NLGN4X: variants seen among roughly 807,000 people sequenced by gnomAD.
NLGN4X encodes neuroligin-4, X-linked.
In NLGN4X, 3 loss-of-function variants were observed where a neutral mutation model predicts 40.3. That is an observed-to-expected ratio of 0.07 (90% CI 0.03 to 0.19). The LOEUF (loss-of-function observed/expected upper bound fraction) is 0.19. Ranked by LOEUF, NLGN4X falls within the 10% of genes least tolerant of loss-of-function variation. The probability of loss-of-function intolerance (pLI) is 1.00; values close to 1 mark genes in which losing one functional copy is unlikely to be tolerated. For synonymous variants in NLGN4X, 270 were observed against 306.8 expected (o/e 0.88, Z 1.25); for missense variants, 382 against 708.3 (o/e 0.54, Z 5.23).
In NLGN4X at chrX:5,903,499, G is replaced by A. The variant is rs1173460985; in HGVS notation, c.1179C>T (p.Asn393=). The change falls in exon 5 of 6, where the codon AAC becomes AAT. Residue 393 remains asparagine (N), a synonymous_variant. Coordinates refer to ENST00000381095, the MANE Select transcript of NLGN4X (RefSeq NM_181332.3). ...IVDNEDGVTP[N]DFDFSVSNFV... ...AGTTGGACACGGAGAAGTCAAAGTC[G>A]TTGGGCGTCACACCGTCCTCGTTAT... is the stretch of plus-strand genomic sequence containing the variant. 4 of 1,207,860 alleles carry A rather than the reference G, an allele frequency of 3.3e-6. No individual in the cohort carries two copies. Among genetic ancestry groups the A allele is most frequent in the Admixed American group, 2.2e-5 (1 of 45,682 alleles).
intron 1 of NLGN4X, among the ~76,000 whole-genome samples, chrX:6,226,077 C>T (rs1926273337): frequency 9.9e-6 from 1 of 101,278 alleles, no homozygotes; most frequent in African/African-American, 3.6e-5. Context: ...TGTCCTCACT[C>T]CCCGCAGACT....
chrX:6,228,862 T>C lies in NLGN4X; in HGVS notation c.-627A>G, dbSNP rs1381494970. The C allele has an allele frequency of 8.9e-6, 1 of 111,841 alleles. No individual in the cohort carries two copies. The highest frequency in any genetic ancestry group is 3.3e-5 in the African/African-American group (1 of 30,721). The allele number at this position is 111,841 out of a possible 1,213,427, so 9.2% of individuals were successfully genotyped here. A position where few individuals can be genotyped will look rare whatever the true frequency, so the allele number is the denominator to read the frequency against. ...AGAGACAGAGAAGGGAGAGAGACGG[T>C]TCTGCAAGAAAAAGAGAGATTGAGG... On this transcript the variant is annotated 5_prime_UTR_variant, in exon 1 of 6. Transcript: ENST00000381095.
At chrX:5,976,487 T>C (rs1216767421) in intron 3 of NLGN4X, among the ~76,000 whole-genome samples, 1 of 112,220 alleles carries the variant, frequency 8.9e-6, no homozygotes, top group Non-Finnish European at 1.9e-5. Context: ...CAAATATCCC[T>C]CTCTCCCGCT....
intron 3 of NLGN4X, among the ~76,000 whole-genome samples, chrX:6,021,010 C>T (rs6639579): frequency 0.41 from 14,304 of 34,903 alleles, 1,853 homozygotes; most frequent in Middle Eastern, 0.58. Context: ...TTTTCTCTCT[C>T]TCTCTCTCTC....
intron 2 of NLGN4X, chrX:6,032,706 G>A (rs781607380): frequency 3.4e-5 from 40 of 1,189,586 alleles, no homozygotes; most frequent in Non-Finnish European, 4.3e-5. Context: ...TCTTCACCAC[G>A]GTCATTACTC....
Position 6,224,817 on chromosome X carries a change from AGGC to A in NLGN4X, c.-306+3721_-306+3723del, listed in dbSNP as rs1926008233. Reference sequence around the variant, plus strand: ...CATCTTTAAAACTGCATCCACGCACAGGCATTATTATGAAAATGCAATTATTAT... The same window carrying A: ...CATCTTTAAAACTGCATCCACGCACAATTATTATGAAAATGCAATTATTAT... On this transcript the variant is annotated intron_variant, in intron 1 of 5. Coordinates refer to ENST00000381095, the MANE Select transcript of NLGN4X (RefSeq NM_181332.3). Among the ~76,000 whole-genome samples the A allele has an allele frequency of 4.9e-5, 5 of 101,030 alleles. No homozygotes were observed. The South Asian group carries it at 2.4e-3, about 48-fold the overall frequency. The allele number at this position is 101,030 out of a possible 115,157, so 87.7% of individuals were successfully genotyped here.
At chrX:5,980,803 ATACTAAGTC>A (rs2035364679) in intron 3 of NLGN4X, among the ~76,000 whole-genome samples, 1 of 111,251 alleles carries the variant, frequency 9.0e-6, no homozygotes, top group Non-Finnish European at 1.9e-5. Context: ...ATATAGCTCT[ATACTAAGTC>A]TTGAGCTCAG....
intron 2 of NLGN4X, among the ~76,000 whole-genome samples, chrX:6,105,640 C>T (rs1418816504): frequency 1.8e-5 from 2 of 111,485 alleles, no homozygotes; most frequent in African/African-American, 6.5e-5. Context: ...CCCTTGGAAA[C>T]CCATCCCAAT....
At chrX:6,017,554 T>C (rs2036424594) in intron 3 of NLGN4X, among the ~76,000 whole-genome samples, 1 of 112,039 alleles carries the variant, frequency 8.9e-6, no homozygotes, top group African/African-American at 3.2e-5. Flanking sequence ...GTGTTTATTC[T>C]ACCCACCTGT....
chrX:5,983,294 A>T (rs2035443381), intron 3 of NLGN4X, among the ~76,000 whole-genome samples: 1 of 111,887 alleles, frequency 8.9e-6, no homozygotes, highest in South Asian at 3.7e-4. Context: ...ACAATGGCCA[A>T]TTCACAATGA....
At position 6,062,890 on chromosome X, in the gene NLGN4X, A is replaced by G. The variant is rs6638596; in HGVS notation, c.473-33458T>C. Among the ~76,000 whole-genome samples, 300 of 111,095 alleles carry G rather than the reference A, an allele frequency of 2.7e-3. 16 individuals are homozygous for G. In the East Asian group the frequency reaches 0.074, roughly 27 times the overall value. Reference sequence around the variant, plus strand: ...CTTTATAAATTCCCAAGTCTTGAGCATATCTTTATTGGCAGCTTGAGAACA... The same window carrying G: ...CTTTATAAATTCCCAAGTCTTGAGCGTATCTTTATTGGCAGCTTGAGAACA... On this transcript the variant is annotated intron_variant, in intron 2 of 5. Coordinates refer to ENST00000381095, the MANE Select transcript of NLGN4X (RefSeq NM_181332.3).
Position 6,022,075 on chromosome X carries a change from A to G in NLGN4X, c.625+7205T>C, listed in dbSNP as rs146373071. 3.8e-3 allele frequency among the ~76,000 whole-genome samples: 429 copies of G among 112,184 alleles called. 4 individuals are homozygous for G. Among genetic ancestry groups the G allele is most frequent in the African/African-American group, 0.013 (410 of 30,860 alleles). On this transcript the variant is annotated intron_variant, in intron 3 of 5. Transcript: ENST00000381095. The stretch of plus-strand genomic sequence containing the variant: ...TACTTTTGTTTATGTATTTCTCACT[A>G]AGTACAATGCTTAACTTTCCTTTCT...
chrX:6,028,372 G>A (rs1022799276), intron 3 of NLGN4X, among the ~76,000 whole-genome samples: 3 of 111,369 alleles, frequency 2.7e-5, no homozygotes, highest in East Asian at 5.7e-4. Context: ...AGAAGAAGAT[G>A]AATGATGGCC....
At chrX:6,022,857 C>T (rs758672399) in intron 3 of NLGN4X, among the ~76,000 whole-genome samples, 2 of 111,671 alleles carry the variant, frequency 1.8e-5, no homozygotes, top group East Asian at 2.8e-4. Flanking sequence ...AGGCTGAGCA[C>T]GTGCATATGG....
intron 2 of NLGN4X, among the ~76,000 whole-genome samples, chrX:6,096,830 C>T (rs1211118855): frequency 9.0e-6 from 1 of 111,501 alleles, no homozygotes; most frequent in African/African-American, 3.3e-5. Context: ...GGAACCTAAC[C>T]ACGAAATGCA....
At chrX:6,214,959 C>A (rs1924938918) in intron 1 of NLGN4X, among the ~76,000 whole-genome samples, 1 of 111,877 alleles carries the variant, frequency 8.9e-6, no homozygotes, top group Non-Finnish European at 1.9e-5. Flanking sequence ...AGCTAAGGTG[C>A]ATTCATCATA....
intron 1 of NLGN4X, among the ~76,000 whole-genome samples, chrX:6,210,638 C>T (rs1021759285): frequency 5.4e-5 from 6 of 111,930 alleles, no homozygotes; most frequent in African/African-American, 1.9e-4. Flanking sequence ...CTGTGCATTA[C>T]GGAAAATACA....
intron 3 of NLGN4X, among the ~76,000 whole-genome samples, chrX:5,960,259 C>CAA (rs35197486): frequency 0.015 from 1,420 of 91,685 alleles, 20 homozygotes; most frequent in African/African-American, 0.035. Context: ...GCCAATTTTG[C>CAA]AAAAAAAAAA....
chrX:6,084,779 A>G (rs1167562077), intron 2 of NLGN4X, among the ~76,000 whole-genome samples: 4 of 110,745 alleles, frequency 3.6e-5, no homozygotes, highest in African/African-American at 6.6e-5. Context: ...CACTCTCTTA[A>G]GCTCTTTGCC....
Sources: allele counts gnomAD v4.1 joint callset (sites outside exome capture counted in the v4.1 genomes callset), GRCh38; gene constraint gnomAD v4.1.1; transcripts MANE v1.5; gene names NCBI Gene and HGNC (gene_info 2026-07-23, HGNC 2026-07-21).